The following PLEKHA5 variants were observed in gnomAD, a reference collection of about 807,000 sequenced individuals.
PLEKHA5 encodes the protein pleckstrin homology domain-containing family A member 5.
Under a neutral mutation model 181.9 loss-of-function variants are expected in PLEKHA5, and 55 were observed. That is an observed-to-expected ratio of 0.30 (90% CI 0.24 to 0.38). The LOEUF (loss-of-function observed/expected upper bound fraction) is 0.38. PLEKHA5 is among the 10% of genes least tolerant of loss of function. PLEKHA5 has a pLI of 1.00. For missense variants in PLEKHA5, 1,432 were observed against 1,549.5 expected (o/e 0.92, Z 1.27); for synonymous variants, 535 against 529.4 (o/e 1.01, Z -0.15).
intron 3 of PLEKHA5, among the ~76,000 whole-genome samples, chr12:19,235,540 C>G (rs556965830): frequency 6.6e-6 from 1 of 152,230 alleles, no homozygotes; most frequent in East Asian, 1.9e-4. Flanking sequence ...TGGTTTTTCT[C>G]ATACAATAAT....
At chr12:19,229,676 A>G (rs1383825016) in intron 3 of PLEKHA5, among the ~76,000 whole-genome samples, 1 of 152,204 alleles carries the variant, frequency 6.6e-6, no homozygotes, top group Admixed American at 6.5e-5. Flanking sequence ...CAAAGCTTCC[A>G]CAGTGTGGAA....
At position 19,157,097 on chromosome 12, in the gene PLEKHA5, TAC is replaced by T. The variant is rs3056384; in HGVS notation, c.227+24676_227+24677del. Among the ~76,000 whole-genome samples, 192 of 143,288 alleles carry T rather than the reference TAC, an allele frequency of 1.3e-3. 1 individual carries two copies. The highest frequency in any genetic ancestry group is 3.2e-3 in the African/African-American group (122 of 38,274). The allele number at this position is 143,288 out of a possible 152,430, so 94.0% of individuals were successfully genotyped here. A position where few individuals can be genotyped will look rare whatever the true frequency, so the allele number is the denominator to read the frequency against. On this transcript the variant is annotated intron_variant, in intron 3 of 31. Transcript: ENST00000429027. ...TATGGTTTTTATATCTATATGTACA[TAC>T]ACACACACACACACACACACACACA...
chr12:19,230,053 G>C (rs2060259893), intron 3 of PLEKHA5, among the ~76,000 whole-genome samples: 1 of 152,022 alleles, frequency 6.6e-6, no homozygotes, highest in Non-Finnish European at 1.5e-5. Context: ...GCTAGATACA[G>C]AGTGCTGGTT....
chr12:19,312,085 G>A (rs895286935), intron 15 of PLEKHA5, among the ~76,000 whole-genome samples: 1 of 152,138 alleles, frequency 6.6e-6, no homozygotes, highest in Non-Finnish European at 1.5e-5. Context: ...CATTGTCAGT[G>A]GGCACTCATA....
intron 15 of PLEKHA5, among the ~76,000 whole-genome samples, chr12:19,306,136 C>G (rs373101178): frequency 1.3e-5 from 2 of 151,998 alleles, no homozygotes; most frequent in South Asian, 2.1e-4. Context: ...CTGAAGAGGC[C>G]AGGATTAAGT....
Position 19,358,392 on chromosome 12 carries a change from A to T in PLEKHA5, c.3303A>T (p.Leu1101Phe), listed in dbSNP as rs575020303. ...TCGGTGCTTCAGACCAGTCACCCTT[A>T]CAAAGCCCTTCAAATTTAAGGGATA... is the stretch of plus-strand genomic sequence containing the variant. ...NVIGASDQSP[L>F]QSPSNLRDNP... The change falls in exon 27 of 32, where the codon TTA becomes TTT. Residue 1101 changes from leucine to phenylalanine, a missense_variant. Physicochemically the swap from Leu to Phe is conservative, Grantham distance 22 (BLOSUM62 0). Around this residue, in one of 2 missense-constraint regions of PLEKHA5, gnomAD observed 1,143 missense variants for 1,168.4 expected, o/e 0.98. Transcript: ENST00000429027. 6.2e-7 allele frequency: 1 copy of T among 1,613,824 alleles called. No individual in the cohort carries two copies. The highest frequency in any genetic ancestry group is 1.3e-5 in the African/African-American group (1 of 75,028).
At chr12:19,259,048 T>C (rs758099254) in intron 6 of PLEKHA5, among the ~76,000 whole-genome samples, 2 of 152,110 alleles carry the variant, frequency 1.3e-5, no homozygotes, top group Non-Finnish European at 2.9e-5. Context: ...TATTACCAAG[T>C]AGCTTCTCTA....
intron 7 of PLEKHA5, among the ~76,000 whole-genome samples, chr12:19,262,873 G>C (rs1468150140): frequency 6.6e-6 from 1 of 152,070 alleles, no homozygotes; most frequent in African/African-American, 2.4e-5. Flanking sequence ...ACCTATAATA[G>C]AAGTTGGAAA....
intron 21 of PLEKHA5, among the ~76,000 whole-genome samples, chr12:19,340,049 A>G (rs969801348): frequency 4.6e-5 from 7 of 152,060 alleles, no homozygotes; most frequent in African/African-American, 1.4e-4. Context: ...AAGAGAGAGA[A>G]TTGTTGAACA....
At position 19,345,850 on chromosome 12, in the gene PLEKHA5, G is replaced by A; in HGVS notation, c.2671G>A (p.Gly891Arg). 1 of 1,449,452 alleles carries A rather than the reference G, an allele frequency of 6.9e-7. No individual in the cohort carries two copies. The highest frequency in any genetic ancestry group is 9.6e-7 in the Non-Finnish European group (1 of 1,038,964). The allele number at this position is 1,449,452 out of a possible 1,614,324, so 89.8% of individuals were successfully genotyped here. ...QRGTTEIGMIGSKPFSTVKYK... is the reference protein window; with the variant it reads ...QRGTTEIGMIRSKPFSTVKYK... The stretch of plus-strand genomic sequence containing the variant: ...TTTTCTAATATTCCCAGGTATGATA[G>A]GATCAAAGCCTTTCTCAACAGTTAA... Residue 891 changes from glycine (G) to arginine (R), a missense_variant, in exon 23 of 32, where the codon GGA becomes AGA. Gly to Arg is a moderately radical substitution (Grantham distance 125). Around this residue, in one of 2 missense-constraint regions of PLEKHA5, gnomAD observed 1,143 missense variants for 1,168.4 expected, o/e 0.98. Coordinates refer to ENST00000429027, the MANE Select transcript of PLEKHA5 (RefSeq NM_001256470.2).
intron 22 of PLEKHA5, 79 bp downstream of exon 22, chr12:19,343,513 G>A: frequency 1.2e-6 from 1 of 816,348 alleles, no homozygotes; most frequent in Non-Finnish European, 2.1e-6. Context: ...ATTACATTCT[G>A]AGAAATGCAT....
chr12:19,195,737 C>T (rs1592018608), intron 3 of PLEKHA5, among the ~76,000 whole-genome samples: 2 of 149,594 alleles, frequency 1.3e-5, no homozygotes, highest in African/African-American at 4.9e-5. Context: ...ATATACCATT[C>T]GGTTACCTGC....
In PLEKHA5 at chr12:19,274,677, A is replaced by G; in HGVS notation, c.1007A>G (p.Gln336Arg). 1 of 1,614,148 alleles carries G rather than the reference A, an allele frequency of 6.2e-7. No individual in the cohort carries two copies. The highest frequency in any genetic ancestry group is 2.2e-5 in the East Asian group (1 of 44,890). Residue 336 changes from glutamine (Q) to arginine (R), a missense_variant, in exon 11 of 32, where the codon CAG becomes CGG. Physicochemically the swap from Gln to Arg is conservative, Grantham distance 43. Transcript: ENST00000429027. ...TTAGAAGCTGAAAAATATGGATTTC[A>G]GAAGGATGGTCAAGATAGACCCTTA... The part of the protein sequence containing the change: ...KALEAEKYGF[Q>R]KDGQDRPLTK...
chr12:19,347,485 G>T (rs1377236960), intron 24 of PLEKHA5, among the ~76,000 whole-genome samples: 1 of 151,790 alleles, frequency 6.6e-6, no homozygotes, highest in African/African-American at 2.4e-5. Flanking sequence ...CCATTTTAGG[G>T]TATTGGAGGC....
chr12:19,195,594 C>T (rs1280487573), intron 3 of PLEKHA5, among the ~76,000 whole-genome samples: 1 of 148,782 alleles, frequency 6.7e-6, no homozygotes, highest in African/African-American at 2.5e-5. Flanking sequence ...TGATTGAGCC[C>T]AGGAGGTGGA....
At chr12:19,260,867 AT>A in intron 6 of PLEKHA5, 81 bp from the exon 7 acceptor site, 1 of 876,212 alleles carries the variant, frequency 1.1e-6, no homozygotes, top group Non-Finnish European at 1.7e-6. Context: ...TCTCAAAAAA[AT>A]AAAAATAAAT....
At chr12:19,138,296 G>A (rs1301003408) in intron 3 of PLEKHA5, among the ~76,000 whole-genome samples, 6 of 152,086 alleles carry the variant, frequency 3.9e-5, no homozygotes, top group East Asian at 3.9e-4. Flanking sequence ...AAAATGGCAC[G>A]GCATGGTGGC....
chr12:19,307,843 G>C (rs543191057), intron 15 of PLEKHA5, among the ~76,000 whole-genome samples: 5 of 151,904 alleles, frequency 3.3e-5, no homozygotes, highest in Admixed American at 2.6e-4. Context: ...CAACAACGAA[G>C]AAGCAGGAGT....
intron 11 of PLEKHA5, among the ~76,000 whole-genome samples, chr12:19,282,258 G>A (rs928357467): frequency 7.2e-5 from 11 of 152,092 alleles, no homozygotes; most frequent in African/African-American, 2.7e-4. Context: ...GCTTTAAGAA[G>A]CCTCCTGAAA....
Sources: allele counts gnomAD v4.1 joint callset (sites outside exome capture counted in the v4.1 genomes callset), GRCh38; gene constraint gnomAD v4.1.1; regional missense constraint gnomAD v4.1.1; transcripts MANE v1.5; gene names NCBI Gene and HGNC (gene_info 2026-07-23, HGNC 2026-07-21).